The following PRPF4 variants were observed in gnomAD, a reference collection of about 807,000 sequenced individuals.
The protein encoded by PRPF4 is pre-mRNA splicing tri-snRNP complex factor PRPF4.
Under a neutral mutation model 72.2 loss-of-function variants are expected in PRPF4, and 14 were observed. The ratio of observed to expected loss-of-function variants is 0.19; its 90% CI spans 0.13 to 0.30. The LOEUF is 0.30. Among genes scored for constraint, PRPF4 ranks in the 10% least tolerant of loss-of-function variants. The pLI, the probability that PRPF4 is intolerant of heterozygous loss-of-function variation, is 1.00. For synonymous variants in PRPF4, 225 were observed against 232.2 expected (o/e 0.97, Z 0.28); for missense variants, 478 against 653.9 (o/e 0.73, Z 2.93).
rs750421815 is a variant in PRPF4, at chr9:113,291,720, C to T, written c.*60C>T. The T allele has an allele frequency of 3.6e-4, 548 of 1,517,022 alleles. No individual in the cohort carries two copies. Among genetic ancestry groups the T allele is most frequent in the Non-Finnish European group, 4.6e-4 (506 of 1,105,006 alleles). 94.0% of individuals were successfully genotyped at this position (1,517,022 alleles called of 1,614,324 possible). A position where few individuals can be genotyped will look rare whatever the true frequency, so the allele number is the denominator to read the frequency against. ...TCTCTAAGGAGCTGTTTTCCTCAAA[C>T]GAGAAGAATTGAAGTGTTTAGTTCT... On this transcript the variant is annotated 3_prime_UTR_variant, in exon 14 of 14. Transcript: ENST00000374198.
intron 7 of PRPF4, among the ~76,000 whole-genome samples, chr9:113,284,759 G>T (rs1006119240): frequency 6.6e-6 from 1 of 152,150 alleles, no homozygotes; most frequent in African/African-American, 2.4e-5. Flanking sequence ...AAGCTTCAGT[G>T]TTCTTACCTG....
At chr9:113,279,167 A>G in intron 3 of PRPF4, 36 bp downstream of exon 3, 8 of 1,570,870 alleles carry the variant, frequency 5.1e-6, no homozygotes, top group Middle Eastern at 1.7e-4. Context: ...TTTCTTTATT[A>G]TAATCACAGG....
chr9:113,284,821 G>T (rs1588014982), intron 7 of PRPF4, among the ~76,000 whole-genome samples: 1 of 152,188 alleles, frequency 6.6e-6, no homozygotes, highest in Non-Finnish European at 1.5e-5. Flanking sequence ...ACAGTGCCTG[G>T]TATGTAGTAA....
At chr9:113,291,322 CA>C in intron 13 of PRPF4, 144 bp from the exon 14 acceptor site, 1 of 810,764 alleles carries the variant, frequency 1.2e-6, no homozygotes. Context: ...GGGAATGAGC[CA>C]AAAGACCTTA....
intron 6 of PRPF4, 22 bp from the exon 7 acceptor site, chr9:113,284,273 G>T: frequency 6.6e-7 from 1 of 1,519,724 alleles, no homozygotes; most frequent in Non-Finnish European, 9.1e-7. Context: ...ATCACCGTGT[G>T]TGTATTTTTT....
At chr9:113,283,582 G>A (rs1316953208) in intron 6 of PRPF4, 100 bp downstream of exon 6, 9 of 1,181,488 alleles carry the variant, frequency 7.6e-6, no homozygotes, top group East Asian at 2.5e-5. Flanking sequence ...GGCAACTAGA[G>A]TGATTCCTCC....
At position 113,291,809 on chromosome 9, in the gene PRPF4, C is replaced by G; in HGVS notation, c.*149C>G. ...TAGAATTGGATTTCCATGTCAGCCC[C>G]CACTCCAGGAAGGCAGCCCAATCCC... On this transcript the variant is annotated 3_prime_UTR_variant, in exon 14 of 14. Transcript: ENST00000374198. 1 of 819,188 alleles carries G rather than the reference C, an allele frequency of 1.2e-6. No homozygotes were observed. The highest frequency in any genetic ancestry group is 1.9e-5 in the South Asian group (1 of 51,440). The allele number at this position is 819,188 out of a possible 1,614,324, so 50.7% of individuals were successfully genotyped here.
At chr9:113,279,966 T>C (rs1588010383) in intron 3 of PRPF4, among the ~76,000 whole-genome samples, 1 of 152,312 alleles carries the variant, frequency 6.6e-6, no homozygotes, top group South Asian at 2.1e-4. Context: ...CTGGTCTCTC[T>C]GTCCACTGTC....
intron 4 of PRPF4, 50 bp from the exon 5 acceptor site, chr9:113,283,082 G>A (rs763391501): frequency 6.2e-7 from 1 of 1,612,812 alleles, no homozygotes; most frequent in South Asian, 1.1e-5. Context: ...AGTTATAAGA[G>A]GAGTAGAATG....
In PRPF4 at chr9:113,290,824, G is replaced by T; in HGVS notation, c.1253+17G>T. 1 of 1,613,582 alleles carries T rather than the reference G, an allele frequency of 6.2e-7. No homozygotes were observed. The highest frequency in any genetic ancestry group is 8.5e-7 in the Non-Finnish European group (1 of 1,179,492). On this transcript the variant is annotated intron_variant, in intron 12 of 13. Transcript: ENST00000374198. ...CCCCAATGGGTAAAATAAACACACT[G>T]AATGAGGGGCGAAAAAGGGTTCTGG... is the stretch of plus-strand genomic sequence containing the variant.
At chr9:113,283,695 T>C (rs1045944025) in intron 6 of PRPF4, among the ~76,000 whole-genome samples, 1 of 152,192 alleles carries the variant, frequency 6.6e-6, no homozygotes, top group Middle Eastern at 3.2e-3. Context: ...CTATTCTTTA[T>C]TTCTCCCCGT....
chr9:113,290,797 T>TC lies in PRPF4; in HGVS notation c.1248dup (p.Asn417GlnfsTer11). ...GAAAGAAATCTATGGAATAAATTTC[T>TC]CCCCCAATGGGTAAAATAAACACAC... On this transcript the variant is annotated frameshift_variant, in exon 12 of 14. Coordinates refer to ENST00000374198, the MANE Select transcript of PRPF4 (RefSeq NM_001244926.2). LOFTEE classifies it high-confidence loss of function. The TC allele has an allele frequency of 6.2e-7, 1 of 1,614,112 alleles. No individual in the cohort carries two copies. The highest frequency in any genetic ancestry group is 8.5e-7 in the Non-Finnish European group (1 of 1,179,998).
At chr9:113,282,244 A>G (rs773462270) in intron 3 of PRPF4, among the ~76,000 whole-genome samples, 33 of 152,202 alleles carry the variant, frequency 2.2e-4, no homozygotes, top group Non-Finnish European at 4.6e-4. Flanking sequence ...AGGCTGAGGC[A>G]GGAGGATCAC....
intron 1 of PRPF4, among the ~76,000 whole-genome samples, chr9:113,276,325 A>G (rs1169661585): frequency 6.6e-6 from 1 of 152,224 alleles, no homozygotes; most frequent in East Asian, 1.9e-4. Context: ...AGAGAACCTC[A>G]CTAGTTTTAT....
chr9:113,289,081 T>A (rs1832534414), intron 10 of PRPF4, among the ~76,000 whole-genome samples: 2 of 152,222 alleles, frequency 1.3e-5, no homozygotes, highest in African/African-American at 2.4e-5. Flanking sequence ...TGATCTGACT[T>A]CTATCACCAC....
intron 10 of PRPF4, among the ~76,000 whole-genome samples, chr9:113,289,922 A>G (rs1197855648): frequency 6.6e-6 from 1 of 152,184 alleles, no homozygotes; most frequent in Non-Finnish European, 1.5e-5. Context: ...GAATCCTGTT[A>G]TTACAATAGC....
intron 9 of PRPF4, among the ~76,000 whole-genome samples, chr9:113,287,513 G>C (rs1013593275): frequency 6.6e-6 from 1 of 151,474 alleles, no homozygotes; most frequent in African/African-American, 2.4e-5. Flanking sequence ...GAAGCACCCT[G>C]TTGGCCAAAA....
In PRPF4 at chr9:113,286,697, T is replaced by C. The variant is rs10981714; in HGVS notation, c.809-8T>C. The C allele has an allele frequency of 0.08, 129,662 of 1,613,982 alleles. 7,907 individuals carry two copies. The highest frequency in any genetic ancestry group is 0.33 in the East Asian group (14,744 of 44,866). ...ACCTTTTAACTTGCATCTCTTACAC[T>C]CCTTTAGGGCATAACACAAATGTAG... On this transcript the variant is annotated splice_polypyrimidine_tract_variant and splice_region_variant and intron_variant, in intron 8 of 13. Coordinates refer to ENST00000374198, the MANE Select transcript of PRPF4 (RefSeq NM_001244926.2).
At chr9:113,290,845 T>C in intron 12 of PRPF4, 38 bp downstream of exon 12, 2 of 1,612,284 alleles carry the variant, frequency 1.2e-6, no homozygotes. Flanking sequence ...GAAAAAGGGT[T>C]CTGGGTCAGT....
Sources: gnomAD v4.1 joint callset for allele counts (sites outside exome capture counted in the v4.1 genomes callset) on GRCh38, gnomAD v4.1.1 for gene constraint, MANE v1.5 for transcripts, NCBI Gene and HGNC (gene_info 2026-07-23, HGNC 2026-07-21) for gene names.